CACNG2: variants seen among roughly 807,000 people sequenced by gnomAD.
CACNG2 encodes calcium voltage-gated channel auxiliary subunit gamma 2, also known as voltage-dependent calcium channel gamma-2 subunit.
In CACNG2, 3 loss-of-function variants were observed where a neutral mutation model predicts 25.9. The ratio of observed to expected loss-of-function variants is 0.12; its 90% CI spans 0.05 to 0.30. CACNG2 has a LOEUF of 0.30. Among genes scored for constraint, CACNG2 ranks in the 10% least tolerant of loss-of-function variants. The pLI, the probability that CACNG2 is intolerant of heterozygous loss-of-function variation, is 1.00. For missense variants in CACNG2, 341 were observed against 432.5 expected (o/e 0.79, Z 1.88); for synonymous variants, 167 against 173.3 (o/e 0.96, Z 0.29).
At chr22:36,609,468 G>C (rs12172197) in intron 1 of CACNG2, among the ~76,000 whole-genome samples, 59 of 129,752 alleles carry the variant, frequency 4.5e-4, no homozygotes, top group African/African-American at 1.1e-3. Flanking sequence ...GAGTGTGATC[G>C]GGCAGGAATC....
At chr22:36,626,671 T>C (rs1353062732) in intron 1 of CACNG2, among the ~76,000 whole-genome samples, 1 of 152,176 alleles carries the variant, frequency 6.6e-6, no homozygotes, top group Non-Finnish European at 1.5e-5. Context: ...AGTCATATTT[T>C]GGTTTCTGTC....
chr22:36,616,101 G>T (rs1432223863), intron 1 of CACNG2, among the ~76,000 whole-genome samples: 1 of 152,124 alleles, frequency 6.6e-6, no homozygotes, highest in Non-Finnish European at 1.5e-5. Context: ...TCCCTTGAGT[G>T]ACAATGTCCT....
chr22:36,639,118 A>C (rs1350502245), intron 1 of CACNG2, among the ~76,000 whole-genome samples: 1 of 151,964 alleles, frequency 6.6e-6, no homozygotes, highest in African/African-American at 2.4e-5. Flanking sequence ...TCCTCCAGTT[A>C]CTCGTCTGTG....
chr22:36,569,054 C>G (rs1206804836), intron 2 of CACNG2, among the ~76,000 whole-genome samples: 2 of 152,096 alleles, frequency 1.3e-5, no homozygotes, highest in Admixed American at 1.3e-4. Context: ...ACATCCACAC[C>G]CACGCGTGAC....
rs955171083 is a variant in CACNG2, at chr22:36,561,970, C to G, written c.*2381G>C. ...TCAGAGGATCCTCTTTTTCACAGAC[C>G]CCCAAAGACACTGGGGAAGCCCTGG... On this transcript the variant is annotated 3_prime_UTR_variant, in exon 4 of 4. Coordinates refer to ENST00000300105, the MANE Select transcript of CACNG2 (RefSeq NM_006078.5). 2 of 152,274 alleles carry G rather than the reference C, an allele frequency of 1.3e-5. No individual in the cohort carries two copies. Among genetic ancestry groups the G allele is most frequent in the Admixed American group, 6.5e-5 (1 of 15,282 alleles). The allele number at this position is 152,274 out of a possible 1,614,324, so 9.4% of individuals were successfully genotyped here.
chr22:36,668,967 A>G (rs546755958), intron 1 of CACNG2, among the ~76,000 whole-genome samples: 3 of 152,268 alleles, frequency 2.0e-5, no homozygotes, highest in Admixed American at 6.5e-5. Context: ...GCCTGCCCAC[A>G]TTGGTGAGGG....
At chr22:36,597,039 T>C (rs1257553396) in intron 1 of CACNG2, among the ~76,000 whole-genome samples, 1 of 152,126 alleles carries the variant, frequency 6.6e-6, no homozygotes, top group East Asian at 1.9e-4. Context: ...TGTTGTTGTT[T>C]TGAGATAGAG....
intron 1 of CACNG2, among the ~76,000 whole-genome samples, chr22:36,614,927 C>T (rs933020131): frequency 2.0e-5 from 3 of 152,176 alleles, no homozygotes; most frequent in African/African-American, 4.8e-5. Context: ...GAATGCATTT[C>T]GCCTTTCCAA....
intron 1 of CACNG2, among the ~76,000 whole-genome samples, chr22:36,665,552 A>T (rs1268219905): frequency 6.6e-6 from 1 of 152,232 alleles, no homozygotes; most frequent in African/African-American, 2.4e-5. Context: ...TGGGCAAACA[A>T]CTTGAACAGA....
chr22:36,631,165 C>A (rs1033627404), intron 1 of CACNG2, among the ~76,000 whole-genome samples: 2 of 152,134 alleles, frequency 1.3e-5, no homozygotes, highest in African/African-American at 4.8e-5. Flanking sequence ...ATGCAGGATG[C>A]AGCAACTCGG....
chr22:36,600,359 C>T (rs544455559), intron 1 of CACNG2, among the ~76,000 whole-genome samples: 1 of 151,730 alleles, frequency 6.6e-6, no homozygotes, highest in African/African-American at 2.4e-5. Flanking sequence ...AAATGATCCT[C>T]CTGCCTCAGT....
At chr22:36,639,706 T>G (rs1007596203) in intron 1 of CACNG2, among the ~76,000 whole-genome samples, 7 of 152,202 alleles carry the variant, frequency 4.6e-5, no homozygotes, top group Admixed American at 2.0e-4. Context: ...CAGTCATCCA[T>G]CAAATGAAAT....
intron 2 of CACNG2, among the ~76,000 whole-genome samples, chr22:36,570,568 T>G (rs1306416263): frequency 1.3e-5 from 2 of 151,926 alleles, no homozygotes; most frequent in African/African-American, 4.8e-5. Flanking sequence ...GAGACCAGCC[T>G]GGCTAACATG....
At chr22:36,644,797 GT>G (rs931291588) in intron 1 of CACNG2, among the ~76,000 whole-genome samples, 1 of 151,556 alleles carries the variant, frequency 6.6e-6, no homozygotes, top group Non-Finnish European at 1.5e-5. Context: ...TATATAAGTG[GT>G]TTTTTTTGTT....
chr22:36,692,941 T>C (rs916211667), intron 1 of CACNG2, among the ~76,000 whole-genome samples: 5 of 151,834 alleles, frequency 3.3e-5, no homozygotes, highest in Non-Finnish European at 5.9e-5. Flanking sequence ...AGGTCAGGAG[T>C]CCAAGACCAG....
chr22:36,682,221 G>C (rs1344661918), intron 1 of CACNG2, among the ~76,000 whole-genome samples: 1 of 152,224 alleles, frequency 6.6e-6, no homozygotes, highest in Non-Finnish European at 1.5e-5. Flanking sequence ...TGAAGCCAGT[G>C]AAGAGACGGA....
chr22:36,687,501 C>G (rs1360677213), intron 1 of CACNG2, among the ~76,000 whole-genome samples: 1 of 152,164 alleles, frequency 6.6e-6, no homozygotes, highest in Non-Finnish European at 1.5e-5. Context: ...AGCTCTAAAG[C>G]CTTTTCCAGG....
chr22:36,605,233 C>A (rs1935812903), intron 1 of CACNG2, among the ~76,000 whole-genome samples: 1 of 152,190 alleles, frequency 6.6e-6, no homozygotes, highest in Non-Finnish European at 1.5e-5. Context: ...CACCACCATG[C>A]CCGGCTACTT....
At chr22:36,636,307 C>G (rs1936356625) in intron 1 of CACNG2, among the ~76,000 whole-genome samples, 2 of 152,152 alleles carry the variant, frequency 1.3e-5, no homozygotes, top group African/African-American at 4.8e-5. Flanking sequence ...CTTCCCCAAC[C>G]CCCAAATGCG....
Sources: gnomAD v4.1 joint callset for allele counts (sites outside exome capture counted in the v4.1 genomes callset) on GRCh38, gnomAD v4.1.1 for gene constraint, MANE v1.5 for transcripts, NCBI Gene and HGNC (gene_info 2026-07-23, HGNC 2026-07-21) for gene names.